The following MSRA variants were observed in gnomAD, a reference collection of about 807,000 sequenced individuals.
MSRA encodes the protein methionine sulfoxide reductase A, also known as mitochondrial peptide methionine sulfoxide reductase.
In MSRA, 54 loss-of-function variants were observed where a neutral mutation model predicts 31.3. The observed-to-expected ratio is 1.73, with a 90% confidence interval of 1.39 to 2.17. The LOEUF is 2.17. Among genes scored for constraint, MSRA ranks in the 30% most tolerant of loss-of-function variants. MSRA has a pLI of 0.00. For missense variants in MSRA, 507 were observed against 300.9 expected (o/e 1.69, Z -5.07); for synonymous variants, 169 against 116.5 (o/e 1.45, Z -2.90).
chr8:10,374,819 TAGG>T (rs544926715), intron 5 of MSRA, among the ~76,000 whole-genome samples: 31 of 152,210 alleles, frequency 2.0e-4, no homozygotes, highest in Non-Finnish European at 3.2e-4. Context: ...TGGAGCCTAG[TAGG>T]AGACATTGGC....
chr8:10,093,396 T>C (rs901470295), intron 1 of MSRA, among the ~76,000 whole-genome samples: 2 of 152,198 alleles, frequency 1.3e-5, no homozygotes, highest in African/African-American at 2.4e-5. Context: ...TCTTAATTTA[T>C]AACAATCTAA....
At chr8:10,115,615 C>T (rs1233517050) in intron 1 of MSRA, among the ~76,000 whole-genome samples, 3 of 152,174 alleles carry the variant, frequency 2.0e-5, no homozygotes, top group Admixed American at 6.5e-5. Context: ...AGAGAGTGGT[C>T]AGAACCAGTG....
intron 2 of MSRA, among the ~76,000 whole-genome samples, chr8:10,211,714 A>G (rs1459231414): frequency 1.3e-5 from 2 of 152,152 alleles, no homozygotes; most frequent in African/African-American, 2.4e-5. Flanking sequence ...TTCCTCAGGT[A>G]TGAGAACATC....
intron 5 of MSRA, among the ~76,000 whole-genome samples, chr8:10,396,990 T>A (rs530416752): frequency 1.3e-5 from 2 of 152,218 alleles, no homozygotes; most frequent in Non-Finnish European, 2.9e-5. Context: ...CCAGACTCTA[T>A]GCTTTTTTAC....
At chr8:10,097,168 A>G (rs1246694636) in intron 1 of MSRA, among the ~76,000 whole-genome samples, 1 of 152,224 alleles carries the variant, frequency 6.6e-6, no homozygotes, top group African/African-American at 2.4e-5. Flanking sequence ...CATTTAATAT[A>G]TAAATATGAT....
intron 1 of MSRA, among the ~76,000 whole-genome samples, chr8:10,164,863 A>G (rs1804977337): frequency 6.6e-6 from 1 of 152,138 alleles, no homozygotes; most frequent in Admixed American, 6.5e-5. Context: ...CCCTGTCTCT[A>G]CTAAAAATAT....
At chr8:10,418,120 A>G (rs1002507197) in intron 5 of MSRA, among the ~76,000 whole-genome samples, 6 of 152,186 alleles carry the variant, frequency 3.9e-5, no homozygotes, top group Admixed American at 2.6e-4. Context: ...CAATACTTTA[A>G]AAAGTGATCA....
At chr8:10,057,382 GTGTATTGGTAT>G (rs899018054) in intron 1 of MSRA, among the ~76,000 whole-genome samples, 7 of 152,320 alleles carry the variant, frequency 4.6e-5, no homozygotes, top group Admixed American at 4.6e-4. Context: ...ACTTGTTGAA[GTGTATTGGTAT>G]TGTATTGTTC....
intron 5 of MSRA, among the ~76,000 whole-genome samples, chr8:10,339,739 C>T (rs1284011660): frequency 6.6e-6 from 1 of 151,630 alleles, no homozygotes; most frequent in Non-Finnish European, 1.5e-5. Context: ...GATGGGGTTT[C>T]ACCGTGTTAG....
intron 5 of MSRA, among the ~76,000 whole-genome samples, chr8:10,421,459 C>T (rs1173301047): frequency 3.3e-5 from 5 of 152,052 alleles, no homozygotes; most frequent in South Asian, 2.1e-4. Flanking sequence ...CCCACTGCCA[C>T]CTGTGCTGCC....
intron 3 of MSRA, among the ~76,000 whole-genome samples, chr8:10,257,522 T>A (rs944785261): frequency 2.0e-5 from 3 of 152,224 alleles, no homozygotes; most frequent in Non-Finnish European, 4.4e-5. Context: ...TTCTCCTGCC[T>A]CAGCCTCTGG....
chr8:10,211,186 A>G (rs1809460560), intron 2 of MSRA, among the ~76,000 whole-genome samples: 1 of 152,202 alleles, frequency 6.6e-6, no homozygotes, highest in Admixed American at 6.5e-5. Context: ...CAGGAAAGAC[A>G]GATAGAGTGT....
At chr8:10,363,859 G>C (rs1201054186) in intron 5 of MSRA, among the ~76,000 whole-genome samples, 1 of 152,070 alleles carries the variant, frequency 6.6e-6, no homozygotes, top group East Asian at 1.9e-4. Flanking sequence ...TTGAGTCTGG[G>C]AGGTTGAGGC....
At chr8:10,395,704 GGTT>G (rs1585674459) in intron 5 of MSRA, among the ~76,000 whole-genome samples, 1 of 152,080 alleles carries the variant, frequency 6.6e-6, no homozygotes, top group East Asian at 1.9e-4. Flanking sequence ...ATTGACCCTG[GGTT>G]CATCCTAGCT....
chr8:10,325,533 G>A (rs1390596093), intron 5 of MSRA, among the ~76,000 whole-genome samples: 1 of 152,116 alleles, frequency 6.6e-6, no homozygotes, highest in South Asian at 2.1e-4. Flanking sequence ...AAAGTTAAAT[G>A]CATTCATGTA....
At chr8:10,230,315 A>C (rs923499616) in intron 2 of MSRA, among the ~76,000 whole-genome samples, 2 of 152,206 alleles carry the variant, frequency 1.3e-5, no homozygotes, top group Non-Finnish European at 2.9e-5. Flanking sequence ...TTAAGGGAGA[A>C]GGTTATACCG....
chr8:10,212,331 A>G (rs1379124327), intron 2 of MSRA, among the ~76,000 whole-genome samples: 1 of 152,246 alleles, frequency 6.6e-6, no homozygotes, highest in Non-Finnish European at 1.5e-5. Flanking sequence ...GTTTTAGGCA[A>G]TTAGGATATA....
At chr8:10,259,809 C>T (rs1472811115) in intron 3 of MSRA, among the ~76,000 whole-genome samples, 1 of 152,196 alleles carries the variant, frequency 6.6e-6, no homozygotes, top group Non-Finnish European at 1.5e-5. Flanking sequence ...CTTTTGTAGG[C>T]TGGGGCTGCT....
intron 1 of MSRA, among the ~76,000 whole-genome samples, chr8:10,188,737 T>G (rs1455784615): frequency 6.6e-6 from 1 of 152,236 alleles, no homozygotes; most frequent in Non-Finnish European, 1.5e-5. Context: ...TTCCACTCAT[T>G]TGTAGAACTT....
Sources: allele counts gnomAD v4.1 joint callset (sites outside exome capture counted in the v4.1 genomes callset), GRCh38; gene constraint gnomAD v4.1.1; transcripts MANE v1.5; gene names NCBI Gene and HGNC (gene_info 2026-07-23, HGNC 2026-07-21).